TNNC2: variants seen among roughly 807,000 people sequenced by gnomAD.
TNNC2 encodes troponin C2, fast skeletal type, also known as troponin C, skeletal muscle.
Under a neutral mutation model 20.0 loss-of-function variants are expected in TNNC2, and 14 were observed. The ratio of observed to expected loss-of-function variants is 0.70; its 90% CI spans 0.46 to 1.09. The LOEUF is 1.09. Ranked by LOEUF, TNNC2 falls within the 50% of genes least tolerant of loss-of-function variation. The pLI, the probability that TNNC2 is intolerant of heterozygous loss-of-function variation, is 0.00. For missense variants in TNNC2, 163 were observed against 223.8 expected, an observed-to-expected ratio of 0.73 and a Z score of 1.73; for synonymous variants, 81 against 77.3, an observed-to-expected ratio of 1.05 and a Z score of -0.25.
chr20:45,824,928 C>A (rs1027565310), intron 1 of TNNC2, 94 bp from the exon 2 acceptor site: 5 of 1,378,646 alleles, frequency 3.6e-6, no homozygotes, highest in Non-Finnish European at 5.1e-6. Flanking sequence ...ACTCTGTCAG[C>A]GCCCTTGGTT....
chr20:45,832,296 C>T (rs1425648244), upstream of TNNC2, among the ~76,000 whole-genome samples: 1 of 152,128 alleles, frequency 6.6e-6, no homozygotes, highest in African/African-American at 2.4e-5. Context: ...GGCGACAGAG[C>T]AAGACTCTGT....
chr20:45,831,616 A>G (rs1983109146), upstream of TNNC2, among the ~76,000 whole-genome samples: 1 of 152,018 alleles, frequency 6.6e-6, no homozygotes, highest in South Asian at 2.1e-4. Context: ...AAAAAAATAA[A>G]ATAAATAAAA....
chr20:45,825,956 A>T (rs980757016), intron 1 of TNNC2, among the ~76,000 whole-genome samples: 1 of 152,120 alleles, frequency 6.6e-6, no homozygotes, highest in Non-Finnish European at 1.5e-5. Context: ...AGGAGACAAC[A>T]AGTTAAGCCC....
At chr20:45,831,035 T>A (rs981709468), upstream of TNNC2, among the ~76,000 whole-genome samples, 1 of 152,054 alleles carries the variant, frequency 6.6e-6, no homozygotes, top group African/African-American at 2.4e-5. Context: ...ATACTTGTAA[T>A]CCCAGCACAT....
rs756064790 is a variant in TNNC2, at chr20:45,824,645, G to C, written c.56-7C>G. On this transcript the variant is annotated splice_region_variant and splice_polypyrimidine_tract_variant and intron_variant, in intron 2 of 5. Coordinates refer to ENST00000372555, the MANE Select transcript of TNNC2 (RefSeq NM_003279.3). The stretch of plus-strand genomic sequence containing the variant: ...TCAAAGGCAGCCTTGAACTCTGCGA[G>C]GGAGGGCAGAGGGCAGAGGTGAGGC... 1 of 1,608,644 alleles carries C rather than the reference G, an allele frequency of 6.2e-7. No homozygotes were observed.
intron 2 of TNNC2, among the ~76,000 whole-genome samples, chr20:45,832,732 C>T (rs1983151268): frequency 6.6e-6 from 1 of 152,248 alleles, no homozygotes; most frequent in South Asian, 2.1e-4. Context: ...GATACCTAGG[C>T]TTTGTGACAG....
At chr20:45,824,206 C>T in intron 4 of TNNC2, 79 bp from the exon 5 acceptor site, 1 of 1,598,380 alleles carries the variant, frequency 6.3e-7, no homozygotes, top group Non-Finnish European at 8.5e-7. Flanking sequence ...CCCGCTTCCG[C>T]ACTCCCAACA....
In TNNC2 at chr20:45,824,145, AGGGCAG is replaced by A. The variant is rs1191588030; in HGVS notation, c.315-24_315-19del. 5 of 1,612,494 alleles carry A rather than the reference AGGGCAG, an allele frequency of 3.1e-6. No homozygotes were observed. The highest frequency in any genetic ancestry group is 3.4e-6 in the Non-Finnish European group (4 of 1,179,278). On this transcript the variant is annotated intron_variant, in intron 4 of 5. Transcript: ENST00000372555. Reference sequence around the variant, plus strand: ...CTGCATTCCTTCAGGTCCGAGGGACAGGGCAGGGCTCAGGGCCGGGGCGAGCTGCCC... The same window carrying A: ...CTGCATTCCTTCAGGTCCGAGGGACAGGCTCAGGGCCGGGGCGAGCTGCCC...
chr20:45,826,385 A>G (rs945588158), intron 1 of TNNC2, among the ~76,000 whole-genome samples: 1 of 152,148 alleles, frequency 6.6e-6, no homozygotes, highest in African/African-American at 2.4e-5. Flanking sequence ...AAGGCCCCTC[A>G]TGGGGGGCCG....
At chr20:45,830,547 T>C (rs1178759705), upstream of TNNC2, among the ~76,000 whole-genome samples, 2 of 152,126 alleles carry the variant, frequency 1.3e-5, no homozygotes, top group African/African-American at 2.4e-5. Flanking sequence ...TGGTCTCTAG[T>C]AGTTTCCTCA....
rs1982874001 is a variant in TNNC2, at chr20:45,823,813, A to G, written c.451+178T>C. On this transcript the variant is annotated intron_variant, in intron 5 of 5. Coordinates refer to ENST00000372555, the MANE Select transcript of TNNC2 (RefSeq NM_003279.3). This position sits in a 1 kb window ranked among gnomAD's most constrained non-coding sequence, Gnocchi z 4.6. ...CCCCCCTGCCTGGTCATTAATTGATAAACTGCACAGAGTCGTGGAGCGCTT... is the reference window on the plus strand; with the variant it reads ...CCCCCCTGCCTGGTCATTAATTGATGAACTGCACAGAGTCGTGGAGCGCTT... 6.6e-6 allele frequency among the ~76,000 whole-genome samples: 1 copy of G among 152,000 alleles called. No homozygotes were observed.
upstream of TNNC2, among the ~76,000 whole-genome samples, chr20:45,830,756 C>G (rs1484829854): frequency 6.6e-6 from 1 of 152,200 alleles, no homozygotes; most frequent in Non-Finnish European, 1.5e-5. Context: ...ATAATGGGAA[C>G]AGGTGGCCTC....
upstream of TNNC2, chr20:45,827,439 T>A: frequency 1.5e-6 from 1 of 652,658 alleles, no homozygotes. Context: ...TCCCACAGTC[T>A]GAACCCATTA....
At chr20:45,829,205 C>A (rs1413000979), upstream of TNNC2, among the ~76,000 whole-genome samples, 1 of 144,610 alleles carries the variant, frequency 6.9e-6, no homozygotes, top group African/African-American at 2.6e-5. Context: ...GCTCTTGTTG[C>A]CCAGGCTGGA....
Position 45,824,009 on chromosome 20 carries a change from C to T in TNNC2, c.433G>A (p.Gly145Ser). 7 of 1,614,132 alleles carry T rather than the reference C, an allele frequency of 4.3e-6. 1 individual carries two copies. In the South Asian group the frequency reaches 7.7e-5, roughly 18 times the overall value. ...CCCTCACCGTCGAAGTCAATGCGGC[C>T]GTCGTTGTTCTTGTCGCCGTCTTTC... ...LMKDGDKNNDGRIDFDEFLKM... is the reference protein window; with the variant it reads ...LMKDGDKNNDSRIDFDEFLKM... Residue 145 changes from glycine (G) to serine (S), a missense_variant, in exon 5 of 6, where the codon GGC (glycine) becomes AGC (serine). By Grantham distance (56) the Gly-to-Ser change is moderately conservative (BLOSUM62 0). Coordinates refer to ENST00000372555, the MANE Select transcript of TNNC2 (RefSeq NM_003279.3).
intron 4 of TNNC2, 75 bp from the exon 5 acceptor site, chr20:45,824,202 T>G: frequency 6.3e-7 from 1 of 1,599,768 alleles, no homozygotes; most frequent in Non-Finnish European, 8.5e-7. Context: ...ACGCCCCGCT[T>G]CCGCACTCCC....
chr20:45,824,188 C>G, intron 4 of TNNC2, 61 bp from the exon 5 acceptor site: 1 of 1,602,010 alleles, frequency 6.2e-7, no homozygotes, highest in Non-Finnish European at 8.5e-7. Flanking sequence ...GGCCACCACA[C>G]TCGACGCCCC....
At position 45,823,614 on chromosome 20, in the gene TNNC2, G is replaced by A. The variant is rs1222147973; in HGVS notation, c.452-235C>T. ...AAGCGATCCTCTTACCTCAGCCCCC[G>A]GAGCAACTGGGACCACAGGTGTGCC... is the stretch of plus-strand genomic sequence containing the variant. On this transcript the variant is annotated intron_variant, in intron 5 of 5. Coordinates refer to ENST00000372555, the MANE Select transcript of TNNC2 (RefSeq NM_003279.3). The surrounding 1 kb of genome is among the most constrained non-coding windows in gnomAD (Gnocchi z 4.6). 2.0e-5 allele frequency among the ~76,000 whole-genome samples: 3 copies of A among 151,954 alleles called. No homozygotes were observed. The highest frequency in any genetic ancestry group is 1.3e-4 in the Admixed American group (2 of 15,268).
In TNNC2 at chr20:45,823,861, A is replaced by T. The variant is rs1272429576; in HGVS notation, c.451+130T>A. The T allele has an allele frequency of 6.9e-6, 10 of 1,447,206 alleles. No homozygotes were observed. The highest frequency in any genetic ancestry group is 1.9e-4 in the Middle Eastern group (1 of 5,274). The allele number at this position is 1,447,206 out of a possible 1,614,324, so 89.6% of individuals were successfully genotyped here. On this transcript the variant is annotated intron_variant, in intron 5 of 5. Coordinates refer to ENST00000372555, the MANE Select transcript of TNNC2 (RefSeq NM_003279.3). This position sits in a 1 kb window ranked among gnomAD's most constrained non-coding sequence, Gnocchi z 4.6. Reference sequence around the variant, plus strand: ...CTTCTATACCTGCCCCCAGGAGACTATGGGGAACTTGGTGAAGTTACGCCC... The same window carrying T: ...CTTCTATACCTGCCCCCAGGAGACTTTGGGGAACTTGGTGAAGTTACGCCC...
Sources: allele counts gnomAD v4.1 joint callset (sites outside exome capture counted in the v4.1 genomes callset), GRCh38; gene constraint gnomAD v4.1.1; non-coding constraint Gnocchi (gnomAD v3.1); transcripts MANE v1.5; gene names NCBI Gene and HGNC (gene_info 2026-07-23, HGNC 2026-07-21).